Variants in SLC38A10 observed in about 807,000 individuals in gnomAD.
The protein encoded by SLC38A10 is Sodium-coupled neutral amino acid transporter 10.
SLC38A10 carries 53 observed loss-of-function variants against 81.0 expected under a neutral mutation model. The ratio of observed to expected loss-of-function variants is 0.65; its 90% CI spans 0.53 to 0.82. The LOEUF is 0.82. Among genes scored for constraint, SLC38A10 ranks in the 40% least tolerant of loss-of-function variants. The pLI, the probability that SLC38A10 is intolerant of heterozygous loss-of-function variation, is 0.00. For synonymous variants in SLC38A10, 665 were observed against 655.3 expected, an observed-to-expected ratio of 1.01 and a Z score of -0.23; for missense variants, 1,471 against 1,545.0, an observed-to-expected ratio of 0.95 and a Z score of 0.80.
In SLC38A10 at chr17:81,253,062, G is replaced by T; in HGVS notation, c.1456+11C>A. 6.2e-7 allele frequency: 1 copy of T among 1,610,990 alleles called. No individual in the cohort carries two copies. The highest frequency in any genetic ancestry group is 8.5e-7 in the Non-Finnish European group (1 of 1,179,378). On this transcript the variant is annotated intron_variant, in intron 12 of 15. Coordinates refer to ENST00000374759, the MANE Select transcript of SLC38A10 (RefSeq NM_001037984.3). This position sits in a 1 kb window ranked among gnomAD's most constrained non-coding sequence, Gnocchi z 4.1. ...CCTTCCCCATCCGCACCCCCAGCCA[G>T]TGCCCAGCACCTTGCCCAGGGCGAT...
intron 14 of SLC38A10, chr17:81,247,592 G>C (rs1417077567): frequency 6.6e-6 from 1 of 151,856 alleles, no homozygotes; most frequent in East Asian, 1.9e-4. Flanking sequence ...TTGGGAGGCG[G>C]AGGCAGGCAG....
At chr17:81,284,288 G>T (rs2063243554) in intron 3 of SLC38A10, among the ~76,000 whole-genome samples, 1 of 152,056 alleles carries the variant, frequency 6.6e-6, no homozygotes, top group South Asian at 2.1e-4. Context: ...AACCTGGGAG[G>T]TTGCAGTGAG....
Position 81,280,724 on chromosome 17 carries a change from A to C in SLC38A10, c.511T>G (p.Ser171Ala). The C allele has an allele frequency of 6.2e-7, 1 of 1,612,646 alleles. No homozygotes were observed. The highest frequency in any genetic ancestry group is 8.5e-7 in the Non-Finnish European group (1 of 1,179,342). Residue 171 changes from serine (S) to alanine (A), a missense_variant, in exon 6 of 16, where the codon TCC becomes GCC. Ser to Ala is a moderately conservative substitution (Grantham distance 99, BLOSUM62 1). Transcript: ENST00000374759. ...YTVFMFVIVL[S>A]SLKHGLFSGQ... ...CTGAAGAGGCCGTGCTTGAGAGAGG[A>C]GAGCACGATCTGCAGAGGGAGAGGG...
intron 10 of SLC38A10, among the ~76,000 whole-genome samples, chr17:81,261,539 T>A (rs1411642261): frequency 6.6e-6 from 1 of 152,224 alleles, no homozygotes; most frequent in South Asian, 2.1e-4. Flanking sequence ...TGGTGAGACC[T>A]CCCTGGTCCA....
intron 14 of SLC38A10, 162 bp from the exon 15 acceptor site, chr17:81,247,223 C>A (rs992244776): frequency 1.6e-5 from 12 of 739,798 alleles, no homozygotes; most frequent in Non-Finnish European, 4.1e-6. Context: ...ACCGTGAAGC[C>A]CGGACAGCTC....
At chr17:81,255,057 G>C (rs1019357080) in intron 11 of SLC38A10, among the ~76,000 whole-genome samples, 1 of 152,290 alleles carries the variant, frequency 6.6e-6, no homozygotes, top group Non-Finnish European at 1.5e-5. Flanking sequence ...GGGGAGCTCT[G>C]TGTGGGTGCA....
At position 81,245,880 on chromosome 17, in the gene SLC38A10, G is replaced by C; in HGVS notation, c.3036C>G (p.Pro1012=). ...CCAGCTCTGGCTCTGGCCTCTGCCT[G>C]GGCTCCTGGACAGCAGCGTCCTCCC... ...RGGEDAAVQE[P]RQRPEPELGL... is the part of the protein sequence containing the mutation. Residue 1012 remains proline, a synonymous_variant, in exon 16 of 16, where the codon CCC becomes CCG. Transcript: ENST00000374759. 1 of 1,612,284 alleles carries C rather than the reference G, an allele frequency of 6.2e-7. No individual in the cohort carries two copies. The highest frequency in any genetic ancestry group is 8.5e-7 in the Non-Finnish European group (1 of 1,179,638).
intron 2 of SLC38A10, among the ~76,000 whole-genome samples, chr17:81,287,854 A>C (rs1178691555): frequency 6.6e-6 from 1 of 152,166 alleles, no homozygotes; most frequent in Non-Finnish European, 1.5e-5. Context: ...ACAGCCAAGG[A>C]CTGGAGTTGG....
intron 11 of SLC38A10, among the ~76,000 whole-genome samples, chr17:81,258,841 C>T (rs1039830867): frequency 1.3e-5 from 2 of 152,230 alleles, no homozygotes; most frequent in Non-Finnish European, 2.9e-5. Context: ...GCAGCTCCAC[C>T]GGCTGCTTCG....
At position 81,286,930 on chromosome 17, in the gene SLC38A10, C is replaced by T. The variant is rs961906004; in HGVS notation, c.218-2035G>A. Among the ~76,000 whole-genome samples the T allele has an allele frequency of 1.3e-5, 2 of 152,166 alleles. No individual in the cohort carries two copies. Among genetic ancestry groups the T allele is most frequent in the Non-Finnish European group, 2.9e-5 (2 of 68,024 alleles). The stretch of plus-strand genomic sequence containing the variant: ...GGCACAACTCTCAACAGGGCAGGGT[C>T]TGGGGCTCAGAACAGCTTCATGAGA... On this transcript the variant is annotated intron_variant, in intron 2 of 15. Transcript: ENST00000374759. The surrounding 1 kb of genome is among the most constrained non-coding windows in gnomAD (Gnocchi z 6.0).
intron 13 of SLC38A10, 91 bp from the exon 14 acceptor site, chr17:81,251,703 A>T: frequency 7.4e-7 from 1 of 1,343,142 alleles, no homozygotes; most frequent in African/African-American, 1.5e-5. Flanking sequence ...GCGGGACAAA[A>T]GGAAGTGGCA....
At chr17:81,246,793 T>C in intron 15 of SLC38A10, 92 bp downstream of exon 15, 5 of 1,512,786 alleles carry the variant, frequency 3.3e-6, no homozygotes, top group African/African-American at 1.4e-5. Flanking sequence ...CGCTCAGGTC[T>C]AGAGGCCACC....
Position 81,295,096 on chromosome 17 carries a change from G to A in SLC38A10, c.-175C>T, listed in dbSNP as rs555927073. On this transcript the variant is annotated 5_prime_UTR_variant, in exon 1 of 16. Transcript: ENST00000374759. ...AGCAGGCGCGGGCGCGGGCCCCAGA[G>A]GCTGCCTGGAGGAGGCAGCCTCGAA... 1.7e-6 allele frequency: 2 copies of A among 1,208,866 alleles called. No homozygotes were observed. The highest frequency in any genetic ancestry group is 3.7e-5 in the East Asian group (1 of 26,882). The allele number at this position is 1,208,866 out of a possible 1,614,324, so 74.9% of individuals were successfully genotyped here. A position where few individuals can be genotyped will look rare whatever the true frequency, so the allele number is the denominator to read the frequency against.
Position 81,245,571 on chromosome 17 carries a change from A to C in SLC38A10, c.3345T>G (p.Pro1115=), listed in dbSNP as rs770111219. 2 of 1,607,818 alleles carry C rather than the reference A, an allele frequency of 1.2e-6. No homozygotes were observed. The highest frequency in any genetic ancestry group is 2.2e-5 in the South Asian group (2 of 90,740). Residue 1115 remains proline (P), a synonymous_variant, in exon 16 of 16, where the codon CCT becomes CCG. Transcript: ENST00000374759. Reference sequence around the variant, plus strand: ...CCAGCAGGTGCTAGGACTCCTCTGGAGGCCCAGGCGCCTGTCTAAGCTGCC... The same window carrying C: ...CCAGCAGGTGCTAGGACTCCTCTGGCGGCCCAGGCGCCTGTCTAAGCTGCC... ...HSRQLRQAPG[P]PEES
At position 81,265,204 on chromosome 17, in the gene SLC38A10, G is replaced by A. The variant is rs543360580; in HGVS notation, c.1132-4810C>T. On this transcript the variant is annotated intron_variant, in intron 10 of 15. Coordinates refer to ENST00000374759, the MANE Select transcript of SLC38A10 (RefSeq NM_001037984.3). This position sits in a 1 kb window ranked among gnomAD's most constrained non-coding sequence, Gnocchi z 4.2. ...TCAAGACCAGCCTGGCCAACATGGT[G>A]AAACCGTGTCTCTACCAAAAATACA... The A allele has an allele frequency of 1.3e-5, 2 of 152,416 alleles. No homozygotes were observed. Among genetic ancestry groups the A allele is most frequent in the African/African-American group, 2.4e-5 (1 of 41,576 alleles). The allele number at this position is 152,416 out of a possible 1,614,324, so 9.4% of individuals were successfully genotyped here. A position where few individuals can be genotyped will look rare whatever the true frequency, so the allele number is the denominator to read the frequency against.
At chr17:81,266,131 G>A (rs539003548) in intron 10 of SLC38A10, among the ~76,000 whole-genome samples, 6 of 152,332 alleles carry the variant, frequency 3.9e-5, no homozygotes, top group South Asian at 4.1e-4. Flanking sequence ...CAGCAGCGCC[G>A]TGGCCACAGG....
chr17:81,254,426 CTCTACAGTTTAGTTAAAGTAACAAAT>C (rs1446999882), intron 11 of SLC38A10, among the ~76,000 whole-genome samples: 1 of 152,192 alleles, frequency 6.6e-6, no homozygotes, highest in African/African-American at 2.4e-5. Flanking sequence ...AGACGCTAGG[CTCTACAGTTTAGTTAAAGTAACAAAT>C]TCAACTTTTT....
intron 1 of SLC38A10, among the ~76,000 whole-genome samples, chr17:81,293,442 G>A (rs1005742190): frequency 3.3e-5 from 5 of 152,194 alleles, no homozygotes; most frequent in African/African-American, 9.6e-5. Flanking sequence ...AGGGCTGCAC[G>A]GGAGGGTTTG....
Position 81,245,709 on chromosome 17 carries a change from C to A in SLC38A10, c.3207G>T (p.Gly1069=), listed in dbSNP as rs1567919008. The part of the protein sequence containing the change: ...HAEGQLAPRD[G]VIIGLNPLPD... Reference sequence around the variant, plus strand: ...GCAGGGGGTTAAGGCCAATGATGACCCCATCCCTCGGGGCCAGCTGACCCT... The same window carrying A: ...GCAGGGGGTTAAGGCCAATGATGACACCATCCCTCGGGGCCAGCTGACCCT... The change falls in exon 16 of 16, where the codon GGG becomes GGT. Residue 1069 remains glycine, a synonymous_variant. Transcript: ENST00000374759. 5 of 1,593,230 alleles carry A rather than the reference C, an allele frequency of 3.1e-6. No individual in the cohort carries two copies. The highest frequency in any genetic ancestry group is 4.3e-6 in the Non-Finnish European group (5 of 1,167,600).
Sources: gnomAD v4.1 joint callset for allele counts (sites outside exome capture counted in the v4.1 genomes callset) on GRCh38, gnomAD v4.1.1 for gene constraint, Gnocchi (gnomAD v3.1) non-coding constraint, MANE v1.5 for transcripts, NCBI Gene and HGNC (gene_info 2026-07-23, HGNC 2026-07-21) for gene names.